The following ANKRD45 variants were observed in gnomAD, a reference collection of about 807,000 sequenced individuals.
The protein encoded by ANKRD45 is ankyrin repeat domain-containing protein 45.
Under a neutral mutation model 28.1 loss-of-function variants are expected in ANKRD45, and 21 were observed. The observed-to-expected ratio is 0.75, with a 90% confidence interval of 0.53 to 1.08. The LOEUF is 1.08. ANKRD45 is among the 50% of genes least tolerant of loss of function. The probability of loss-of-function intolerance (pLI) is 0.00; values close to 1 mark genes in which losing one functional copy is unlikely to be tolerated. For missense variants in ANKRD45, 261 were observed against 308.7 expected (o/e 0.85, Z 1.16); for synonymous variants, 86 against 103.9 (o/e 0.83, Z 1.05).
intron 3 of ANKRD45, chr1:173,635,462 A>T (rs1248710352): frequency 8.7e-7 from 1 of 1,153,974 alleles, no homozygotes; most frequent in African/African-American, 1.6e-5. Flanking sequence ...TTATTTAGCT[A>T]ATTTAGCTAT....
intron 3 of ANKRD45, among the ~76,000 whole-genome samples, chr1:173,638,669 G>C (rs1182903177): frequency 6.6e-6 from 1 of 152,196 alleles, no homozygotes; most frequent in Non-Finnish European, 1.5e-5. Context: ...CCTTTGGGGG[G>C]AGATTAACTG....
At chr1:173,712,511 G>T in the ANKRD45 span, among the ~76,000 whole-genome samples, 1 of 152,190 alleles carries the variant, frequency 6.6e-6, no homozygotes, top group Admixed American at 6.5e-5. Context: ...ATAAGTATTT[G>T]CTAGTATTAT....
the ANKRD45 span, among the ~76,000 whole-genome samples, chr1:173,699,700 G>A: frequency 9.2e-5 from 14 of 151,924 alleles, no homozygotes; most frequent in Admixed American, 3.3e-4. Context: ...TATGACAAAC[G>A]CACAGCCAAT....
At chr1:173,664,240 C>T (rs971591521) in intron 1 of ANKRD45, among the ~76,000 whole-genome samples, 2 of 152,114 alleles carry the variant, frequency 1.3e-5, no homozygotes, top group African/African-American at 4.8e-5. Flanking sequence ...TAGCTGTTTT[C>T]CTGGTATAAT....
At chr1:173,636,723 T>C (rs1007796663) in intron 3 of ANKRD45, 5 of 822,872 alleles carry the variant, frequency 6.1e-6, no homozygotes, top group Non-Finnish European at 7.4e-6. Context: ...TTTGTTTACA[T>C]ATTTAGAACA....
chr1:173,687,912 G>A, the ANKRD45 span, among the ~76,000 whole-genome samples: 64,893 of 151,680 alleles, frequency 0.43, 17,290 homozygotes, highest in African/African-American at 0.75. Flanking sequence ...GGACCTTTGT[G>A]TAGTAATTAA....
At chr1:173,659,048 G>A in intron 2 of ANKRD45, 43 bp downstream of exon 2, 1 of 1,582,794 alleles carries the variant, frequency 6.3e-7, no homozygotes, top group Non-Finnish European at 8.6e-7. Context: ...TGCATCTTTA[G>A]GTAGTCATAA....
chr1:173,680,970 G>T, the ANKRD45 span, among the ~76,000 whole-genome samples: 10 of 151,468 alleles, frequency 6.6e-5, no homozygotes, highest in East Asian at 3.9e-4. Context: ...GATGGTGGGT[G>T]GGGGGGAGGC....
At chr1:173,611,572 TACATACAC>T (rs1429267565) in intron 5 of ANKRD45, among the ~76,000 whole-genome samples, 4 of 106,310 alleles carry the variant, frequency 3.8e-5, no homozygotes, top group African/African-American at 1.3e-4. Context: ...GCCTAATACA[TACATACAC>T]ACACACACAC....
At chr1:173,635,408 T>A in intron 3 of ANKRD45, 6 of 812,380 alleles carry the variant, frequency 7.4e-6, no homozygotes, top group Non-Finnish European at 1.1e-5. Context: ...TAGCTCCTGG[T>A]ATTTTCTGCT....
chr1:173,638,061 A>G (rs1165626936), intron 3 of ANKRD45, among the ~76,000 whole-genome samples: 1 of 151,772 alleles, frequency 6.6e-6, no homozygotes, highest in African/African-American at 2.4e-5. Flanking sequence ...GAGGGTGGCA[A>G]AGTATTTCCT....
chr1:173,614,377 T>C (rs1027299896), intron 5 of ANKRD45, among the ~76,000 whole-genome samples: 1 of 152,196 alleles, frequency 6.6e-6, no homozygotes, highest in African/African-American at 2.4e-5. Context: ...TTTTCCTAAA[T>C]TTTGTATAAC....
chr1:173,611,576 T>TAC (rs57884253), intron 5 of ANKRD45, among the ~76,000 whole-genome samples: 3,086 of 133,902 alleles, frequency 0.023, 38 homozygotes, highest in Middle Eastern at 0.056. Context: ...AATACATACA[T>TAC]ACACACACAC....
At chr1:173,682,682 A>AGTAC in the ANKRD45 span, among the ~76,000 whole-genome samples, 1,558 of 95,298 alleles carry the variant, frequency 0.016, 15 homozygotes, top group East Asian at 0.033. Context: ...AGGCCTTTTA[A>AGTAC]ATACACACAC....
chr1:173,623,538 G>C (rs560943506), intron 5 of ANKRD45, among the ~76,000 whole-genome samples: 27 of 152,272 alleles, frequency 1.8e-4, no homozygotes, highest in African/African-American at 5.5e-4. Context: ...AACCATTGTG[G>C]AAGACAGTAT....
the ANKRD45 span, among the ~76,000 whole-genome samples, chr1:173,712,273 A>C: frequency 1.3e-5 from 2 of 152,204 alleles, no homozygotes; most frequent in Non-Finnish European, 2.9e-5. Flanking sequence ...GACCAACAAA[A>C]ACCCTCAAAC....
At chr1:173,635,517 G>C (rs1668389649) in intron 3 of ANKRD45, 1 of 1,500,812 alleles carries the variant, frequency 6.7e-7, no homozygotes, top group Non-Finnish European at 8.9e-7. Context: ...AATTGACAAA[G>C]AAGGATGTCT....
At chr1:173,619,360 C>T (rs1277440192) in intron 5 of ANKRD45, among the ~76,000 whole-genome samples, 3 of 152,056 alleles carry the variant, frequency 2.0e-5, no homozygotes, top group Non-Finnish European at 4.4e-5. Flanking sequence ...GATAAAGATC[C>T]AAGACCCATC....
At chr1:173,660,767 GC>G (rs1372935080) in intron 1 of ANKRD45, among the ~76,000 whole-genome samples, 3 of 152,164 alleles carry the variant, frequency 2.0e-5, no homozygotes, top group African/African-American at 7.2e-5. Context: ...AATTCTGCCA[GC>G]AACCACTGAG....
Sources: allele counts gnomAD v4.1 joint callset (sites outside exome capture counted in the v4.1 genomes callset), GRCh38; gene constraint gnomAD v4.1.1; transcripts MANE v1.5; gene names NCBI Gene and HGNC (gene_info 2026-07-23, HGNC 2026-07-21).